Variants in CTTN observed in about 807,000 individuals in gnomAD.
The protein encoded by CTTN is cortactin, also known as src substrate cortactin.
In CTTN, 28 loss-of-function variants were observed where a neutral mutation model predicts 84.0. That is an observed-to-expected ratio of 0.33 (90% CI 0.25 to 0.46). The LOEUF is 0.46. Ranked by LOEUF, CTTN falls within the 20% of genes least tolerant of loss-of-function variation. The pLI, the probability that CTTN is intolerant of heterozygous loss-of-function variation, is 1.00. For synonymous variants in CTTN, 301 were observed against 288.8 expected, an observed-to-expected ratio of 1.04 and a Z score of -0.43; for missense variants, 641 against 723.8, an observed-to-expected ratio of 0.89 and a Z score of 1.31.
intron 4 of CTTN, chr11:70,408,371 T>C (rs2058065908): frequency 6.6e-6 from 1 of 152,274 alleles, no homozygotes; most frequent in Non-Finnish European, 1.5e-5. Context: ...AATGGCTTTT[T>C]ATTTTGTTGT....
chr11:70,419,762 C>A lies in CTTN; in HGVS notation c.585C>A (p.Phe195Leu), dbSNP rs760754072. ...TGTTTTTAGATTACTCCAAAGGTTTCGGCGGCAAATACGGTATCGACAAGG... is the reference window on the plus strand; with the variant it reads ...TGTTTTTAGATTACTCCAAAGGTTTAGGCGGCAAATACGGTATCGACAAGG... Reference protein sequence around the residue: ...HESQRDYSKGFGGKYGIDKDK... With the variant: ...HESQRDYSKGLGGKYGIDKDK... Residue 195 changes from phenylalanine (F) to leucine (L), a missense_variant, in exon 9 of 18, where the codon TTC becomes TTA. By Grantham distance (22) the Phe-to-Leu change is conservative (BLOSUM62 0). Coordinates refer to ENST00000301843, the MANE Select transcript of CTTN (RefSeq NM_005231.4). 3 of 1,610,196 alleles carry A rather than the reference C, an allele frequency of 1.9e-6. No homozygotes were observed. In the Admixed American group the frequency reaches 5.1e-5, roughly 27 times the overall value.
rs111934734 is a variant in CTTN, at chr11:70,432,732, G to A, written c.1267-369G>A. Among the ~76,000 whole-genome samples the A allele has an allele frequency of 3.5e-3, 533 of 152,354 alleles. 8 individuals are homozygous for A. Among genetic ancestry groups the A allele is most frequent in the African/African-American group, 0.012 (514 of 41,582 alleles). On this transcript the variant is annotated intron_variant, in intron 15 of 17. Transcript: ENST00000301843. Reference sequence around the variant, plus strand: ...GCCGCTCGGCCCAAGGGTGCCTTGTGTGGCCTTGGAGATGAGGCCTAAAAA... The same window carrying A: ...GCCGCTCGGCCCAAGGGTGCCTTGTATGGCCTTGGAGATGAGGCCTAAAAA...
chr11:70,419,997 C>T (rs2058211917), intron 9 of CTTN, 141 bp downstream of exon 9: 25 of 667,246 alleles, frequency 3.7e-5, no homozygotes, highest in African/African-American at 5.5e-5. Context: ...AACTTGAAAA[C>T]GGCACATCCA....
chr11:70,423,035 C>T lies in CTTN; in HGVS notation c.957+40C>T, dbSNP rs369631792. On this transcript the variant is annotated intron_variant, in intron 12 of 17. Transcript: ENST00000301843. ...CCCGGAGCTTAGTGTCTTCTGCCTG[C>T]AGGGGCTCTTGGTGGGCGTGGCTCA... is the stretch of plus-strand genomic sequence containing the variant. The T allele has an allele frequency of 2.5e-6, 4 of 1,612,508 alleles. No individual in the cohort carries two copies. In the African/African-American group the frequency reaches 4.0e-5, roughly 16 times the overall value.
chr11:70,431,865 C>T (rs1344782677), intron 15 of CTTN, among the ~76,000 whole-genome samples: 1 of 152,182 alleles, frequency 6.6e-6, no homozygotes. Context: ...CCATCCCTGA[C>T]TTTGGGTCTC....
intron 1 of CTTN, among the ~76,000 whole-genome samples, chr11:70,399,053 G>A (rs1205294355): frequency 2.0e-5 from 3 of 147,956 alleles, no homozygotes. Context: ...AGGGTATTAG[G>A]GCCCGAGGGA....
intron 8 of CTTN, among the ~76,000 whole-genome samples, chr11:70,417,933 C>T (rs113988399): frequency 1.1e-4 from 16 of 152,184 alleles, no homozygotes; most frequent in African/African-American, 3.9e-4. Context: ...GCCAAGTTGT[C>T]CTTGGAGGCT....
intron 5 of CTTN, among the ~76,000 whole-genome samples, chr11:70,413,780 C>A (rs1565490977): frequency 6.6e-6 from 1 of 152,210 alleles, no homozygotes; most frequent in African/African-American, 2.4e-5. Context: ...GTCTTGCAGA[C>A]TATTTTTGTT....
intron 5 of CTTN, among the ~76,000 whole-genome samples, chr11:70,412,617 C>T (rs1407637710): frequency 2.6e-5 from 4 of 152,180 alleles, no homozygotes; most frequent in East Asian, 1.9e-4. Flanking sequence ...GGAGCCTGGA[C>T]GGGCTGTCAG....
intron 9 of CTTN, 115 bp from the exon 10 acceptor site, chr11:70,420,285 A>G: frequency 1.4e-6 from 1 of 730,102 alleles, no homozygotes; most frequent in Non-Finnish European, 2.5e-6. Flanking sequence ...AAGATCCGGA[A>G]GGGAAGAGTA....
chr11:70,407,115 T>A (rs1316504512), intron 2 of CTTN, among the ~76,000 whole-genome samples, 183 bp from the exon 3 acceptor site: 1 of 152,076 alleles, frequency 6.6e-6, no homozygotes, highest in East Asian at 1.9e-4. Context: ...AACCCCGAGG[T>A]GAAATTTCTT....
chr11:70,403,793 G>T (rs1477302489), intron 1 of CTTN, among the ~76,000 whole-genome samples: 1 of 152,110 alleles, frequency 6.6e-6, no homozygotes, highest in Non-Finnish European at 1.5e-5. Flanking sequence ...TTTTGTGATT[G>T]TTTTTTAAAT....
chr11:70,409,747 C>A, intron 4 of CTTN, 84 bp from the exon 5 acceptor site: 6 of 1,410,552 alleles, frequency 4.3e-6, no homozygotes, highest in Non-Finnish European at 5.9e-6. Flanking sequence ...AAGATAATGT[C>A]ACCTGTTCTT....
At chr11:70,432,800 C>T (rs540770713) in intron 15 of CTTN, among the ~76,000 whole-genome samples, 4 of 152,164 alleles carry the variant, frequency 2.6e-5, no homozygotes, top group Non-Finnish European at 5.9e-5. Context: ...GGCTCTACCC[C>T]CAGGCAACAG....
chr11:70,424,656 G>A (rs559128667), intron 12 of CTTN, among the ~76,000 whole-genome samples: 4 of 152,086 alleles, frequency 2.6e-5, no homozygotes, highest in Admixed American at 6.5e-5. Flanking sequence ...TGGAGTAGAC[G>A]CTGGAGCTGA....
At chr11:70,424,808 A>G (rs1453451652) in intron 12 of CTTN, among the ~76,000 whole-genome samples, 1 of 152,044 alleles carries the variant, frequency 6.6e-6, no homozygotes, top group Non-Finnish European at 1.5e-5. Flanking sequence ...GAGGTAGTGA[A>G]ACCCACAGTG....
chr11:70,415,552 A>G, intron 6 of CTTN, 111 bp from the exon 7 acceptor site: 1 of 1,005,714 alleles, frequency 9.9e-7, no homozygotes, highest in East Asian at 2.4e-5. Context: ...AGGTCACAGC[A>G]TCATGTGTTT....
chr11:70,431,387 G>T lies in CTTN; in HGVS notation c.1266+107G>T, dbSNP rs893622862. The T allele has an allele frequency of 1.9e-5, 23 of 1,207,148 alleles. No homozygotes were observed. In the Admixed American group the frequency reaches 3.6e-4, roughly 19 times the overall value. 74.8% of individuals were successfully genotyped at this position (1,207,148 alleles called of 1,614,324 possible). On this transcript the variant is annotated intron_variant, in intron 15 of 17. Transcript: ENST00000301843. ...TGCAGGCAGGCAGTGTGGCGTGGGT[G>T]TAGAGGGCATCGCTGCATTCCACGC...
chr11:70,414,800 C>G lies in CTTN; in HGVS notation c.402+148C>G, dbSNP rs549389445. The G allele has an allele frequency of 8.8e-5, 54 of 615,558 alleles. No individual in the cohort carries two copies. The African/African-American group carries it at 9.5e-4, about 11-fold the overall frequency. 38.1% of individuals were successfully genotyped at this position (615,558 alleles called of 1,614,324 possible). ...AGAGGGGCATCTGCCTCCCAGGATGCTCTGAGAGCCTGGGCTCTCAGAGAG... is the reference window on the plus strand; with the variant it reads ...AGAGGGGCATCTGCCTCCCAGGATGGTCTGAGAGCCTGGGCTCTCAGAGAG... On this transcript the variant is annotated intron_variant, in intron 6 of 17. Coordinates refer to ENST00000301843, the MANE Select transcript of CTTN (RefSeq NM_005231.4).
Sources: gnomAD v4.1 joint callset for allele counts (sites outside exome capture counted in the v4.1 genomes callset) on GRCh38, gnomAD v4.1.1 for gene constraint, MANE v1.5 for transcripts, NCBI Gene and HGNC (gene_info 2026-07-23, HGNC 2026-07-21) for gene names.